The following KLF13 variants were observed in gnomAD, a reference collection of about 807,000 sequenced individuals.
KLF13 encodes the protein KLF transcription factor 13, also known as Krueppel-like factor 13.
Under a neutral mutation model 16.7 loss-of-function variants are expected in KLF13, and 8 were observed. The observed-to-expected ratio is 0.48, with a 90% CI of 0.28 to 0.87. The LOEUF is 0.87. Ranked by LOEUF, KLF13 falls within the 40% of genes least tolerant of loss-of-function variation. The pLI, the probability that KLF13 is intolerant of heterozygous loss-of-function variation, is 0.10. For missense variants in KLF13, 447 were observed against 452.2 expected, an observed-to-expected ratio of 0.99 and a Z score of 0.10; for synonymous variants, 245 against 208.4, an observed-to-expected ratio of 1.18 and a Z score of -1.51.
chr15:31,429,988 C>A (rs186886294), intron 1 of KLF13, among the ~76,000 whole-genome samples: 79 of 152,218 alleles, frequency 5.2e-4, no homozygotes, highest in African/African-American at 1.8e-3. Context: ...CCGCCTTGGC[C>A]TCCCAAAGTG....
intron 1 of KLF13, among the ~76,000 whole-genome samples, chr15:31,344,427 G>GCCAGGCACCAACA (rs1459449148): frequency 4.3e-4 from 2 of 4,702 alleles, no homozygotes; most frequent in African/African-American, 7.3e-4. Context: ...TGGCAGGGGT[G>GCCAGGCACCAACA]CCAGGAATCC....
intron 1 of KLF13, among the ~76,000 whole-genome samples, chr15:31,385,580 T>G (rs1051501267): frequency 6.6e-5 from 10 of 152,352 alleles, no homozygotes; most frequent in Admixed American, 2.0e-4. Flanking sequence ...ACATCTATTA[T>G]GGTGATCTGT....
In KLF13 at chr15:31,372,788, C is replaced by G. The variant is rs2039576135; in HGVS notation, c.*489C>G. 1 of 153,848 alleles carries G rather than the reference C, an allele frequency of 6.5e-6. No homozygotes were observed. The highest frequency in any genetic ancestry group is 2.1e-4 in the South Asian group (1 of 4,854). 9.5% of individuals were successfully genotyped at this position (153,848 alleles called of 1,614,324 possible). ...CAGATTCCTAAGCAGCTGGCCTGACCTCTTCCTGCCCAGCCCCCAACCCAG... is the reference window on the plus strand; with the variant it reads ...CAGATTCCTAAGCAGCTGGCCTGACGTCTTCCTGCCCAGCCCCCAACCCAG... On this transcript the variant is annotated 3_prime_UTR_variant, in exon 2 of 2. Coordinates refer to ENST00000307145, the MANE Select transcript of KLF13 (RefSeq NM_015995.4).
chr15:31,425,540 C>A (rs1160467605), intron 1 of KLF13, among the ~76,000 whole-genome samples: 1 of 152,146 alleles, frequency 6.6e-6, no homozygotes, highest in Non-Finnish European at 1.5e-5. Context: ...TGGAATAGTA[C>A]CAATGCCAGT....
chr15:31,386,896 G>A (rs1284114523), intron 1 of KLF13, among the ~76,000 whole-genome samples: 3 of 152,184 alleles, frequency 2.0e-5, no homozygotes, highest in South Asian at 2.1e-4. Flanking sequence ...ATGACAGCAC[G>A]TCTATTTACA....
intron 2 of KLF13, chr15:31,393,722 G>A (rs2039909695): frequency 6.6e-6 from 1 of 152,346 alleles, no homozygotes; most frequent in Middle Eastern, 3.1e-3. Flanking sequence ...AGTTCCCACT[G>A]AGATCATGTT....
Position 31,375,443 on chromosome 15 carries a change from T to G in KLF13, c.*3144T>G, listed in dbSNP as rs1384896555. On this transcript the variant is annotated 3_prime_UTR_variant, in exon 2 of 2. Transcript: ENST00000307145. Reference sequence around the variant, plus strand: ...CCATGCTTGCCAGTTTTGGTGGGGTTGAGGAACCCATAGGACTCATAGAAA... The same window carrying G: ...CCATGCTTGCCAGTTTTGGTGGGGTGGAGGAACCCATAGGACTCATAGAAA... 6.6e-6 allele frequency: 1 copy of G among 152,246 alleles called. No individual in the cohort carries two copies. Among genetic ancestry groups the G allele is most frequent in the Non-Finnish European group, 1.5e-5 (1 of 68,042 alleles). The allele number at this position is 152,246 out of a possible 1,614,324, so 9.4% of individuals were successfully genotyped here.
At chr15:31,354,921 G>C (rs1370055095) in intron 1 of KLF13, among the ~76,000 whole-genome samples, 1 of 152,104 alleles carries the variant, frequency 6.6e-6, no homozygotes, top group Non-Finnish European at 1.5e-5. Flanking sequence ...TTCATACTGG[G>C]CTAACAGTAA....
chr15:31,400,975 C>T (rs1046261680), intron 2 of KLF13, among the ~76,000 whole-genome samples: 1 of 151,894 alleles, frequency 6.6e-6, no homozygotes, highest in Non-Finnish European at 1.5e-5. Flanking sequence ...GAGGCAGGTG[C>T]TGCAATGTGT....
At chr15:31,397,200 A>T (rs1358012164) in intron 2 of KLF13, among the ~76,000 whole-genome samples, 1 of 87,852 alleles carries the variant, frequency 1.1e-5, no homozygotes, top group South Asian at 4.1e-4. Context: ...CCTGAGGCCA[A>T]GAGGGTGTCC....
downstream of KLF13, among the ~76,000 whole-genome samples, chr15:31,381,753 A>G (rs1187194994): frequency 6.6e-6 from 1 of 152,234 alleles, no homozygotes. Context: ...GTCATCCTTC[A>G]TAGTATTCCC....
rs1418101866 is a variant in KLF13 at position 31,327,854 on chromosome 15, C to T, written c.577+65C>T. ...GGTCGGCGCGAGCTGCCCGACCACG[C>T]CCCCGGAGTCCCCGATGGGGCGCGA... On this transcript the variant is annotated intron_variant, in intron 1 of 1. Coordinates refer to ENST00000307145, the MANE Select transcript of KLF13 (RefSeq NM_015995.4). The T allele has an allele frequency of 3.2e-5, 40 of 1,262,828 alleles. No individual in the cohort carries two copies. In the East Asian group the frequency reaches 8.1e-4, roughly 26 times the overall value. The allele number at this position is 1,262,828 out of a possible 1,614,324, so 78.2% of individuals were successfully genotyped here.
At chr15:31,337,255 C>T (rs2038944843) in intron 1 of KLF13, among the ~76,000 whole-genome samples, 1 of 152,226 alleles carries the variant, frequency 6.6e-6, no homozygotes, top group Non-Finnish European at 1.5e-5. Flanking sequence ...CTTCCGCCCG[C>T]CTTACACGTG....
At chr15:31,340,095 T>G (rs1294702961) in intron 1 of KLF13, 1 of 697,912 alleles carries the variant, frequency 1.4e-6, no homozygotes, top group Non-Finnish European at 2.6e-6. Flanking sequence ...TAGGCCTGTT[T>G]CCAGGGTCTC....
upstream of KLF13, among the ~76,000 whole-genome samples, chr15:31,391,724 GCT>G (rs1202659260): frequency 2.0e-5 from 3 of 151,768 alleles, no homozygotes; most frequent in Non-Finnish European, 4.4e-5. Flanking sequence ...GCTGTGGGGG[GCT>G]GTGTGGGGCT....
At chr15:31,393,116 T>A (rs1334245874) in exon 1 of KLF13, 4 of 152,250 alleles carry the variant, frequency 2.6e-5, no homozygotes, top group Non-Finnish European at 4.4e-5. Context: ...CCACAGCGGC[T>A]TCCCCTCTTG....
At chr15:31,394,124 GA>G (rs72315214) in intron 2 of KLF13, among the ~76,000 whole-genome samples, 26,334 of 151,624 alleles carry the variant, frequency 0.17, 2,600 homozygotes, top group East Asian at 0.31. Context: ...TAAGTTAAAG[GA>G]AAAAAAAGGA....
chr15:31,352,343 C>T (rs1327592915), intron 1 of KLF13, among the ~76,000 whole-genome samples: 1 of 152,250 alleles, frequency 6.6e-6, no homozygotes, highest in Non-Finnish European at 1.5e-5. Flanking sequence ...CTCCCTCAGT[C>T]CCAGTGTCTG....
At chr15:31,336,032 G>C (rs2038924790) in intron 1 of KLF13, among the ~76,000 whole-genome samples, 1 of 152,256 alleles carries the variant, frequency 6.6e-6, no homozygotes, top group African/African-American at 2.4e-5. Flanking sequence ...GAGGAAGCTT[G>C]GGAGTGGGGA....
Sources: allele counts gnomAD v4.1 joint callset (sites outside exome capture counted in the v4.1 genomes callset), GRCh38; gene constraint gnomAD v4.1.1; transcripts MANE v1.5; gene names NCBI Gene and HGNC (gene_info 2026-07-23, HGNC 2026-07-21).